Variants in ELAPOR2 observed in about 807,000 individuals in gnomAD.
ELAPOR2 encodes the protein endosome/lysosome-associated apoptosis and autophagy regulator family member 2.
Under a neutral mutation model 120.7 loss-of-function variants are expected in ELAPOR2, and 89 were observed. That is an observed-to-expected ratio of 0.74 (90% CI 0.62 to 0.88). The LOEUF is 0.88. ELAPOR2 is among the 40% of genes least tolerant of loss of function. The pLI is 0.00. For missense variants in ELAPOR2, 1,134 were observed against 1,251.6 expected (o/e 0.91, Z 1.42); for synonymous variants, 444 against 444.9 (o/e 1.00, Z 0.03).
intron 1 of ELAPOR2, among the ~76,000 whole-genome samples, chr7:87,018,040 G>GT (rs1385253024): frequency 2.6e-5 from 4 of 151,660 alleles, no homozygotes; most frequent in African/African-American, 7.3e-5. Context: ...TTTTGTTTTT[G>GT]TTTTTTTTGA....
At chr7:87,002,087 T>C (rs1389795821) in intron 1 of ELAPOR2, among the ~76,000 whole-genome samples, 1 of 152,158 alleles carries the variant, frequency 6.6e-6, no homozygotes, top group Non-Finnish European at 1.5e-5. Context: ...CAATGGTATG[T>C]CAAGGAACCC....
intron 5 of ELAPOR2, among the ~76,000 whole-genome samples, chr7:86,940,434 G>T (rs1312025991): frequency 6.6e-6 from 1 of 152,016 alleles, no homozygotes; most frequent in Non-Finnish European, 1.5e-5. Flanking sequence ...CCATTTTAGA[G>T]GGTGAAAGTC....
chr7:86,985,027 C>A (rs1271968791), intron 1 of ELAPOR2, among the ~76,000 whole-genome samples: 1 of 152,116 alleles, frequency 6.6e-6, no homozygotes, highest in Non-Finnish European at 1.5e-5. Flanking sequence ...CACAGAAATA[C>A]AAACTATAAT....
chr7:87,024,074 T>A (rs1179231001), intron 1 of ELAPOR2, among the ~76,000 whole-genome samples: 2 of 152,150 alleles, frequency 1.3e-5, no homozygotes, highest in Non-Finnish European at 2.9e-5. Flanking sequence ...TCCTGCCTGA[T>A]TGCCCTGGCC....
chr7:87,046,970 T>C (rs1794975742), intron 1 of ELAPOR2, among the ~76,000 whole-genome samples: 1 of 152,194 alleles, frequency 6.6e-6, no homozygotes, highest in African/African-American at 2.4e-5. Context: ...AATAGCATGA[T>C]ACTGTCATAA....
intron 8 of ELAPOR2, 140 bp downstream of exon 8, chr7:86,937,986 C>G: frequency 1.6e-6 from 1 of 619,788 alleles, no homozygotes; most frequent in Non-Finnish European, 2.7e-6. Context: ...AGGCAGACTT[C>G]AAACCCTAAA....
intron 18 of ELAPOR2, among the ~76,000 whole-genome samples, chr7:86,904,052 C>T (rs1226022088): frequency 6.6e-6 from 1 of 152,144 alleles, no homozygotes; most frequent in Non-Finnish European, 1.5e-5. Flanking sequence ...AAAAACCACA[C>T]AGTTAGAAAA....
intron 2 of ELAPOR2, among the ~76,000 whole-genome samples, chr7:86,963,012 C>T (rs544823851): frequency 2.6e-5 from 4 of 151,978 alleles, no homozygotes; most frequent in African/African-American, 4.8e-5. Flanking sequence ...AAGGCCAGAT[C>T]GACAAATTCC....
chr7:87,057,776 T>C (rs1795308941), intron 1 of ELAPOR2, among the ~76,000 whole-genome samples: 1 of 152,248 alleles, frequency 6.6e-6, no homozygotes. Flanking sequence ...ATCACTTCTA[T>C]TGACCCTGAC....
At chr7:86,956,316 GAC>G (rs1330935524) in intron 2 of ELAPOR2, among the ~76,000 whole-genome samples, 1 of 152,194 alleles carries the variant, frequency 6.6e-6, no homozygotes, top group African/African-American at 2.4e-5. Flanking sequence ...GTGAGATGGA[GAC>G]ACACAAAAGA....
intron 21 of ELAPOR2, among the ~76,000 whole-genome samples, chr7:86,885,272 A>G (rs1385571540): frequency 3.3e-5 from 5 of 152,210 alleles, no homozygotes; most frequent in Admixed American, 6.6e-5. Context: ...AGCCTCAGAG[A>G]AAAAGCAATA....
At chr7:86,901,102 C>T (rs1353897800) in intron 18 of ELAPOR2, among the ~76,000 whole-genome samples, 1 of 152,156 alleles carries the variant, frequency 6.6e-6, no homozygotes, top group African/African-American at 2.4e-5. Flanking sequence ...AGTACACTGT[C>T]ATGGATAGCT....
At chr7:86,979,049 G>C (rs538875658) in intron 1 of ELAPOR2, among the ~76,000 whole-genome samples, 1 of 152,240 alleles carries the variant, frequency 6.6e-6, no homozygotes, top group South Asian at 2.1e-4. Flanking sequence ...AATTTAATAG[G>C]CCAACTATGC....
chr7:87,011,221 T>TCGC (rs56074608), intron 1 of ELAPOR2, among the ~76,000 whole-genome samples: 2 of 138,094 alleles, frequency 1.4e-5, no homozygotes, highest in African/African-American at 2.7e-5. Context: ...TGAGCCAAGA[T>TCGC]GCATGGCGAC....
intron 1 of ELAPOR2, among the ~76,000 whole-genome samples, chr7:87,023,763 C>A (rs974543827): frequency 1.3e-5 from 2 of 152,202 alleles, no homozygotes; most frequent in African/African-American, 4.8e-5. Flanking sequence ...TGTAGTTCTC[C>A]TTGAAGAGGT....
intron 1 of ELAPOR2, among the ~76,000 whole-genome samples, chr7:86,975,893 G>A (rs1057429489): frequency 3.3e-5 from 5 of 152,132 alleles, no homozygotes; most frequent in Non-Finnish European, 5.9e-5. Flanking sequence ...CTGAAGGTGG[G>A]CCAAATCAGG....
At chr7:87,052,052 A>G (rs1159007788) in intron 1 of ELAPOR2, among the ~76,000 whole-genome samples, 1 of 152,250 alleles carries the variant, frequency 6.6e-6, no homozygotes, top group Admixed American at 6.5e-5. Flanking sequence ...AGGAGTTTCT[A>G]AGACACCCTG....
intron 21 of ELAPOR2, among the ~76,000 whole-genome samples, chr7:86,888,969 C>T (rs1315143040): frequency 1.3e-5 from 2 of 152,110 alleles, no homozygotes; most frequent in African/African-American, 4.8e-5. Flanking sequence ...CACTAACTTG[C>T]TTCCTCACTA....
intron 1 of ELAPOR2, among the ~76,000 whole-genome samples, chr7:86,990,460 C>T (rs944237833): frequency 2.0e-5 from 3 of 152,132 alleles, no homozygotes; most frequent in Non-Finnish European, 4.4e-5. Flanking sequence ...ATGTGACCAG[C>T]AAGAAGGTCC....
Sources: allele counts gnomAD v4.1 joint callset (sites outside exome capture counted in the v4.1 genomes callset), GRCh38; gene constraint gnomAD v4.1.1; transcripts MANE v1.5; gene names NCBI Gene and HGNC (gene_info 2026-07-23, HGNC 2026-07-21).